The following NUAK1 variants were observed in gnomAD, a reference collection of about 807,000 sequenced individuals.
NUAK1 encodes the protein NUAK family SNF1-like kinase 1.
Under a neutral mutation model 56.9 loss-of-function variants are expected in NUAK1, and 26 were observed. The observed-to-expected ratio is 0.46, with a 90% CI of 0.33 to 0.63. NUAK1 has a LOEUF of 0.63. NUAK1 is among the 30% of genes least tolerant of loss of function. The pLI is 0.02. For missense variants in NUAK1, 727 were observed against 876.1 expected (o/e 0.83, Z 2.15); for synonymous variants, 337 against 336.0 (o/e 1.00, Z -0.03).
intron 1 of NUAK1, among the ~76,000 whole-genome samples, chr12:106,132,540 A>C (rs989622747): frequency 3.3e-5 from 5 of 152,158 alleles, no homozygotes; most frequent in Non-Finnish European, 4.4e-5. Flanking sequence ...GTGTGGGGGC[A>C]TTTTTGTCTG....
chr12:106,067,719 T>C lies in NUAK1; in HGVS notation c.1069A>G (p.Thr357Ala). ...AKMKGLAKPT[T>A]SEVMLERQRS... ...TGCCGCTCTAGCATGACCTCAGAGG[T>C]CGTGGGTTTGGCCAGGCCCTTCATT... The change falls in exon 7 of 7, where the codon ACC becomes GCC. Residue 357 changes from threonine (T) to alanine (A), a missense_variant. Thr to Ala is a moderately conservative substitution (Grantham distance 58). Coordinates refer to ENST00000261402, the MANE Select transcript of NUAK1 (RefSeq NM_014840.3). This position sits in a 1 kb window ranked among gnomAD's most constrained non-coding sequence, Gnocchi z 6.0. 1.2e-6 allele frequency: 2 copies of C among 1,614,174 alleles called. No homozygotes were observed. Among genetic ancestry groups the C allele is most frequent in the Non-Finnish European group, 1.7e-6 (2 of 1,180,018 alleles).
At chr12:106,116,106 T>C (rs2032914123) in intron 1 of NUAK1, among the ~76,000 whole-genome samples, 1 of 152,180 alleles carries the variant, frequency 6.6e-6, no homozygotes, top group African/African-American at 2.4e-5. Flanking sequence ...CATTTCTGTT[T>C]TATGCACCAC....
rs768360546 is a variant in NUAK1, at chr12:106,072,714, A to G, written c.699+10T>C. On this transcript the variant is annotated intron_variant, in intron 5 of 6. Coordinates refer to ENST00000261402, the MANE Select transcript of NUAK1 (RefSeq NM_014840.3). The stretch of plus-strand genomic sequence containing the variant: ...TCCCCTGCCCCATACACATTGGGAA[A>G]GCTGCTCACCTCTGGCCCTCGGTAA... 2.5e-6 allele frequency: 4 copies of G among 1,613,336 alleles called. No homozygotes were observed. Among genetic ancestry groups the G allele is most frequent in the Non-Finnish European group, 3.4e-6 (4 of 1,179,592 alleles).
intron 1 of NUAK1, among the ~76,000 whole-genome samples, chr12:106,134,155 C>T (rs1042362591): frequency 1.3e-5 from 2 of 152,330 alleles, no homozygotes; most frequent in African/African-American, 2.4e-5. Flanking sequence ...AACACTTCTG[C>T]GCCTTACTGG....
At chr12:106,131,878 G>C (rs1313918179) in intron 1 of NUAK1, among the ~76,000 whole-genome samples, 1 of 152,150 alleles carries the variant, frequency 6.6e-6, no homozygotes, top group East Asian at 1.9e-4. Context: ...CTCCATTCAC[G>C]GTGGGTCATC....
chr12:106,116,090 G>A (rs967893562), intron 1 of NUAK1, among the ~76,000 whole-genome samples: 4 of 152,130 alleles, frequency 2.6e-5, no homozygotes, highest in African/African-American at 7.2e-5. Context: ...TCATTTGCAC[G>A]AAAATCATTT....
At position 106,109,555 on chromosome 12, in the gene NUAK1, G is replaced by GA. The variant is rs5800702; in HGVS notation, c.241-3031dup. ...GTCATATTGTTTAAGGGTTGTTAAGGAAAAAAAAAAAAAAAAAAAGAAAAT... is the reference window on the plus strand; with the variant it reads ...GTCATATTGTTTAAGGGTTGTTAAGGAAAAAAAAAAAAAAAAAAAAGAAAAT... On this transcript the variant is annotated intron_variant, in intron 1 of 6. Coordinates refer to ENST00000261402, the MANE Select transcript of NUAK1 (RefSeq NM_014840.3). Among the ~76,000 whole-genome samples the GA allele has an allele frequency of 2.1e-3, 256 of 123,486 alleles. 1 individual carries two copies. The highest frequency in any genetic ancestry group is 2.4e-3 in the Admixed American group (28 of 11,868). The allele number at this position is 123,486 out of a possible 152,430, so 81.0% of individuals were successfully genotyped here.
At chr12:106,107,798 A>G (rs1464320012) in intron 1 of NUAK1, among the ~76,000 whole-genome samples, 1 of 152,216 alleles carries the variant, frequency 6.6e-6, no homozygotes, top group African/African-American at 2.4e-5. Context: ...CTATGACTCA[A>G]CAAGAACTGG....
chr12:106,070,834 G>A lies in NUAK1; in HGVS notation c.772C>T (p.His258Tyr). 6.2e-7 allele frequency: 1 copy of A among 1,614,166 alleles called. No homozygotes were observed. The highest frequency in any genetic ancestry group is 1.3e-5 in the African/African-American group (1 of 75,032). ...CTGATTTGCCGAATGAGGTTTTTGT[G>A]ATCGAAACCATCGAAGGGCATTGTT... ...YGTMPFDGFD[H>Y]KNLIRQISSG... Residue 258 changes from histidine (H) to tyrosine (Y), a missense_variant, in exon 6 of 7, where the codon CAC (histidine) becomes TAC (tyrosine). Physicochemically the swap from His to Tyr is moderately conservative, Grantham distance 83. Coordinates refer to ENST00000261402, the MANE Select transcript of NUAK1 (RefSeq NM_014840.3).
chr12:106,093,222 ATAGT>A (rs2032655382), intron 2 of NUAK1, among the ~76,000 whole-genome samples: 2 of 152,246 alleles, frequency 1.3e-5, no homozygotes, highest in African/African-American at 4.8e-5. Flanking sequence ...TGCTTTTGAG[ATAGT>A]TTCACCATTG....
At chr12:106,107,835 G>A (rs1442468036) in intron 1 of NUAK1, among the ~76,000 whole-genome samples, 2 of 152,152 alleles carry the variant, frequency 1.3e-5, no homozygotes, top group Non-Finnish European at 2.9e-5. Context: ...TTTTTGCTAT[G>A]TATTGACCTC....
chr12:106,089,268 G>A (rs11615359), intron 2 of NUAK1, among the ~76,000 whole-genome samples: 2 of 152,124 alleles, frequency 1.3e-5, no homozygotes, highest in Non-Finnish European at 2.9e-5. Flanking sequence ...AGTCTGGCAC[G>A]TCTTTAAGGG....
chr12:106,119,465 T>C (rs1286921615), intron 1 of NUAK1, among the ~76,000 whole-genome samples: 17 of 152,042 alleles, frequency 1.1e-4, no homozygotes. Flanking sequence ...ATGGATTCCA[T>C]GCACGGCGCC....
chr12:106,113,358 G>T (rs966477055), intron 1 of NUAK1, among the ~76,000 whole-genome samples: 1 of 152,110 alleles, frequency 6.6e-6, no homozygotes, highest in Non-Finnish European at 1.5e-5. Flanking sequence ...CCACAAACCC[G>T]CCTGAAAAGG....
chr12:106,067,564 C>T lies in NUAK1; in HGVS notation c.1224G>A (p.Glu408=). Residue 408 remains glutamate, a synonymous_variant, in exon 7 of 7, where the codon GAG becomes GAA. Transcript: ENST00000261402. This position sits in a 1 kb window ranked among gnomAD's most constrained non-coding sequence, Gnocchi z 6.0. ...KGILKKRSNS[E]HRSHSTGFIE... ...TGAAGCCAGTGCTGTGAGAGCGATG[C>T]TCGCTGTTGCTTCGCTTCTTCAGGA... 6.2e-7 allele frequency: 1 copy of T among 1,614,230 alleles called. No individual in the cohort carries two copies. The highest frequency in any genetic ancestry group is 8.5e-7 in the Non-Finnish European group (1 of 1,180,040).
At chr12:106,136,793 T>C (rs2033133686) in intron 1 of NUAK1, among the ~76,000 whole-genome samples, 1 of 152,168 alleles carries the variant, frequency 6.6e-6, no homozygotes, top group Admixed American at 6.5e-5. Context: ...AAGCTTAGTT[T>C]TTGCTTATTC....
At chr12:106,102,635 AC>A (rs2136470126) in intron 2 of NUAK1, among the ~76,000 whole-genome samples, 1 of 152,332 alleles carries the variant, frequency 6.6e-6, no homozygotes, top group Non-Finnish European at 1.5e-5. Context: ...TGTGATGATT[AC>A]AGTGTCCTCA....
At chr12:106,087,102 G>A (rs1217065761) in intron 2 of NUAK1, 6 of 495,648 alleles carry the variant, frequency 1.2e-5, no homozygotes, top group Admixed American at 3.5e-5. Flanking sequence ...TCCTGGACAC[G>A]CCTTTGTCAT....
At chr12:106,131,455 T>C (rs748417373) in intron 1 of NUAK1, among the ~76,000 whole-genome samples, 2 of 152,206 alleles carry the variant, frequency 1.3e-5, no homozygotes, top group African/African-American at 2.4e-5. Context: ...GTCTTTTGTG[T>C]CTGGCTTCTT....
Sources: gnomAD v4.1 joint callset for allele counts (sites outside exome capture counted in the v4.1 genomes callset) on GRCh38, gnomAD v4.1.1 for gene constraint, Gnocchi (gnomAD v3.1) non-coding constraint, MANE v1.5 for transcripts, NCBI Gene and HGNC (gene_info 2026-07-23, HGNC 2026-07-21) for gene names.